The following TAF5 variants were observed in gnomAD, a reference collection of about 807,000 sequenced individuals.
TAF5 encodes the protein TATA-box binding protein associated factor 5, also known as transcription initiation factor TFIID subunit 5.
TAF5 carries 20 observed loss-of-function variants against 80.9 expected under a neutral mutation model. The ratio of observed to expected loss-of-function variants is 0.25; its 90% CI spans 0.17 to 0.36. The LOEUF (loss-of-function observed/expected upper bound fraction) is 0.36. Ranked by LOEUF, TAF5 falls within the 10% of genes least tolerant of loss-of-function variation. The pLI is 1.00. For missense variants in TAF5, 863 were observed against 1,029.4 expected (o/e 0.84, Z 2.21); for synonymous variants, 388 against 406.4 (o/e 0.95, Z 0.55).
chr10:103,372,575 C>T (rs1238683969), intron 1 of TAF5, among the ~76,000 whole-genome samples: 1 of 150,672 alleles, frequency 6.6e-6, no homozygotes, highest in African/African-American at 2.4e-5. Context: ...ACCTCGTGAT[C>T]CACCTGTCTC....
At chr10:103,371,086 C>T (rs1253375663) in intron 1 of TAF5, among the ~76,000 whole-genome samples, 7 of 151,952 alleles carry the variant, frequency 4.6e-5, no homozygotes, top group Non-Finnish European at 8.8e-5. Flanking sequence ...ACTAAAAATA[C>T]AAAAAAATTA....
intron 1 of TAF5, among the ~76,000 whole-genome samples, chr10:103,372,895 TAAAAA>T (rs1193784791): frequency 1.4e-5 from 2 of 143,196 alleles, no homozygotes; most frequent in Non-Finnish European, 3.0e-5. Context: ...AACTCCATCT[TAAAAA>T]GAAAAAAAAA....
intron 2 of TAF5, among the ~76,000 whole-genome samples, chr10:103,377,755 A>G (rs2093373082): frequency 6.6e-6 from 1 of 152,162 alleles, no homozygotes; most frequent in African/African-American, 2.4e-5. Flanking sequence ...AGAATGTTAT[A>G]TATTGATTAT....
Position 103,387,649 on chromosome 10 carries a change from T to C in TAF5, c.2136T>C (p.Asp712=). Residue 712 remains aspartate (D), a synonymous_variant, in exon 10 of 11, where the codon GAT becomes GAC. Coordinates refer to ENST00000369839, the MANE Select transcript of TAF5 (RefSeq NM_006951.5). ...LMVGELKGHT[D]TVCSLRFSRD... ...TTGGAGAATTAAAAGGCCACACTGA[T>C]ACAGTCTGTTCACTTAGGTTTAGTA... 1 of 1,614,060 alleles carries C rather than the reference T, an allele frequency of 6.2e-7. No homozygotes were observed. The highest frequency in any genetic ancestry group is 8.5e-7 in the Non-Finnish European group (1 of 1,180,002).
rs1313255039 is a variant in TAF5 at position 103,374,294 on chromosome 10, G to A, written c.797+699G>A. On this transcript the variant is annotated intron_variant, in intron 2 of 10. Transcript: ENST00000369839. This position sits in a 1 kb window ranked among gnomAD's most constrained non-coding sequence, Gnocchi z 4.3. ...CAATAAAAGTTTGTTTATTTTTCTC[G>A]TAAATGTGGGACATTCGGGATTGGT... is the stretch of plus-strand genomic sequence containing the variant. 2.0e-5 allele frequency among the ~76,000 whole-genome samples: 3 copies of A among 152,162 alleles called. No individual in the cohort carries two copies. Among genetic ancestry groups the A allele is most frequent in the Admixed American group, 1.3e-4 (2 of 15,274 alleles).
chr10:103,382,397 G>A (rs2133634111), intron 6 of TAF5, among the ~76,000 whole-genome samples: 1 of 151,900 alleles, frequency 6.6e-6, no homozygotes, highest in Non-Finnish European at 1.5e-5. Flanking sequence ...GGTAATTTTT[G>A]TATTTTTAGT....
chr10:103,385,586 A>G, intron 8 of TAF5, 96 bp downstream of exon 8: 2 of 1,332,948 alleles, frequency 1.5e-6, no homozygotes, highest in South Asian at 2.7e-5. Flanking sequence ...TTACACTTCC[A>G]TTATTGAGGT....
chr10:103,379,819 TGTTA>T, intron 4 of TAF5, 48 bp downstream of exon 4: 2 of 1,595,078 alleles, frequency 1.3e-6, no homozygotes, highest in Non-Finnish European at 1.7e-6. Context: ...TAAGACAACA[TGTTA>T]TATAGAGTTC....
intron 2 of TAF5, among the ~76,000 whole-genome samples, chr10:103,375,329 C>A (rs1180252762): frequency 2.6e-5 from 4 of 152,046 alleles, no homozygotes; most frequent in Non-Finnish European, 4.4e-5. Context: ...TAGACAAAGT[C>A]ATGAGACACT....
rs149324970 is a variant in TAF5, at chr10:103,379,968, G to C, written c.1362G>C (p.Gly454=). 1 of 1,614,054 alleles carries C rather than the reference G, an allele frequency of 6.2e-7. No homozygotes were observed. The highest frequency in any genetic ancestry group is 1.3e-5 in the African/African-American group (1 of 75,010). The change falls in exon 5 of 11, where the codon GGG becomes GGC. Residue 454 remains glycine (G), a synonymous_variant. Transcript: ENST00000369839. ...MKETTKRVRL[G]PDCLPSICFY... is the part of the protein sequence containing the mutation. ...AAACCACCAAACGAGTGCGCCTTGG[G>C]CCGGACTGCTTACCCTCCATTTGTT...
Position 103,380,007 on chromosome 10 carries a change from C to G in TAF5, c.1401C>G (p.Leu467=). ...CCTCCATTTGTTTCTATACATTTCT[C>G]AATGCTTACCAGGTTGGTAAAAAAA... ...CLPSICFYTF[L]NAYQGLTAVD... The change falls in exon 5 of 11, where the codon CTC becomes CTG. Residue 467 remains leucine, a synonymous_variant. Coordinates refer to ENST00000369839, the MANE Select transcript of TAF5 (RefSeq NM_006951.5). 1 of 1,611,428 alleles carries G rather than the reference C, an allele frequency of 6.2e-7. No individual in the cohort carries two copies.
chr10:103,386,606 G>A (rs1564747051), intron 8 of TAF5, among the ~76,000 whole-genome samples: 1 of 152,108 alleles, frequency 6.6e-6, no homozygotes, highest in Non-Finnish European at 1.5e-5. Context: ...AGGCTGAGGT[G>A]GGAGGATTGC....
In TAF5 at chr10:103,382,248, C is replaced by T. The variant is rs140680314; in HGVS notation, c.1534+407C>T. 7.9e-5 allele frequency among the ~76,000 whole-genome samples: 12 copies of T among 152,252 alleles called. No homozygotes were observed. In the South Asian group the frequency reaches 8.3e-4, roughly 11 times the overall value. On this transcript the variant is annotated intron_variant, in intron 6 of 10. Transcript: ENST00000369839. ...TTTTTGTTTTTTTGAGACAGAGTCT[C>T]GCCCTGTCACCCAGGCTAGAGTGCA...
intron 2 of TAF5, among the ~76,000 whole-genome samples, chr10:103,377,666 T>C (rs2093372902): frequency 6.6e-6 from 1 of 152,240 alleles, no homozygotes; most frequent in Non-Finnish European, 1.5e-5. Context: ...GTGATCATAT[T>C]AAAGTATTGA....
intron 7 of TAF5, among the ~76,000 whole-genome samples, chr10:103,383,951 T>TA (rs2093389303): frequency 1.1e-5 from 1 of 93,802 alleles, no homozygotes; most frequent in Non-Finnish European, 2.9e-5. Context: ...CTTTAGTATT[T>TA]CCCTTTTTTT....
intron 7 of TAF5, among the ~76,000 whole-genome samples, chr10:103,383,577 C>CTTT (rs147178642): frequency 1.3e-4 from 17 of 129,122 alleles, no homozygotes; most frequent in South Asian, 2.4e-4. Context: ...TGTATACTCA[C>CTTT]TTTTTTTTTT....
At chr10:103,384,624 T>C (rs1051794629) in intron 7 of TAF5, among the ~76,000 whole-genome samples, 14 of 152,016 alleles carry the variant, frequency 9.2e-5, no homozygotes, top group Middle Eastern at 3.2e-3. Context: ...AGAGCAAAAC[T>C]CCATCTCAAA....
chr10:103,382,422 G>T (rs11191673), intron 6 of TAF5, among the ~76,000 whole-genome samples: 1 of 151,440 alleles, frequency 6.6e-6, no homozygotes. Flanking sequence ...ATAGGGTTTC[G>T]CCATGTTGGC....
chr10:103,380,330 G>C (rs959014049), intron 5 of TAF5, among the ~76,000 whole-genome samples: 1 of 152,016 alleles, frequency 6.6e-6, no homozygotes, highest in Non-Finnish European at 1.5e-5. Flanking sequence ...GGGTTTCACC[G>C]TGTTAGCCAG....
Sources: gnomAD v4.1 joint callset for allele counts (sites outside exome capture counted in the v4.1 genomes callset) on GRCh38, gnomAD v4.1.1 for gene constraint, Gnocchi (gnomAD v3.1) non-coding constraint, MANE v1.5 for transcripts, NCBI Gene and HGNC (gene_info 2026-07-23, HGNC 2026-07-21) for gene names.